The following UNC5C variants were observed in gnomAD, a reference collection of about 807,000 sequenced individuals.
UNC5C encodes the protein netrin receptor UNC5C.
Under a neutral mutation model 99.8 loss-of-function variants are expected in UNC5C, and 47 were observed. The observed-to-expected ratio is 0.47, with a 90% CI of 0.37 to 0.60. UNC5C has a LOEUF of 0.60. Ranked by LOEUF, UNC5C falls within the 20% of genes least tolerant of loss-of-function variation. The probability of loss-of-function intolerance (pLI) is 0.00; values close to 1 mark genes in which losing one functional copy is unlikely to be tolerated. For missense variants in UNC5C, 1,062 were observed against 1,165.9 expected (o/e 0.91, Z 1.30); for synonymous variants, 487 against 452.2 (o/e 1.08, Z -0.98).
At chr4:95,541,770 G>A (rs1363550419) in intron 1 of UNC5C, among the ~76,000 whole-genome samples, 1 of 151,954 alleles carries the variant, frequency 6.6e-6, no homozygotes, top group Non-Finnish European at 1.5e-5. Flanking sequence ...GCACTATTCT[G>A]TTTTTATTGG....
chr4:95,383,261 TTACACACAC>T (rs1053545389), intron 1 of UNC5C, among the ~76,000 whole-genome samples: 9 of 125,226 alleles, frequency 7.2e-5, no homozygotes, highest in Non-Finnish European at 9.5e-5. Flanking sequence ...ATGTGTGTGT[TTACACACAC>T]ACACACACAC....
At chr4:95,441,642 T>C (rs1294243749) in intron 1 of UNC5C, among the ~76,000 whole-genome samples, 1 of 152,176 alleles carries the variant, frequency 6.6e-6, no homozygotes, top group Non-Finnish European at 1.5e-5. Context: ...TATGAATATG[T>C]AATACATATA....
intron 1 of UNC5C, among the ~76,000 whole-genome samples, chr4:95,366,557 A>G (rs1381351773): frequency 6.6e-6 from 1 of 152,200 alleles, no homozygotes; most frequent in Non-Finnish European, 1.5e-5. Flanking sequence ...TGAATAAAAC[A>G]ATCAAATACT....
chr4:95,255,781 A>G (rs1579271892), intron 4 of UNC5C, among the ~76,000 whole-genome samples: 1 of 151,338 alleles, frequency 6.6e-6, no homozygotes, highest in South Asian at 2.1e-4. Context: ...TAGAACAAAA[A>G]CCCTTCTCAC....
At chr4:95,181,790 T>C (rs144719593) in intron 14 of UNC5C, among the ~76,000 whole-genome samples, 91 of 152,346 alleles carry the variant, frequency 6.0e-4, no homozygotes, top group Non-Finnish European at 1.2e-3. Context: ...GGATGGAGTG[T>C]AGCGGAAGCT....
intron 14 of UNC5C, among the ~76,000 whole-genome samples, chr4:95,175,640 T>G (rs953505710): frequency 6.0e-4 from 91 of 152,152 alleles, no homozygotes; most frequent in Non-Finnish European, 1.0e-3. Flanking sequence ...CTTCCCTTTG[T>G]GGGTAACCCG....
intron 3 of UNC5C, among the ~76,000 whole-genome samples, chr4:95,294,981 C>T (rs1469082528): frequency 6.6e-6 from 1 of 152,170 alleles, no homozygotes; most frequent in African/African-American, 2.4e-5. Flanking sequence ...CACTAGGATT[C>T]GAACATGAGT....
At chr4:95,181,207 G>A (rs1408382041) in intron 14 of UNC5C, among the ~76,000 whole-genome samples, 1 of 152,192 alleles carries the variant, frequency 6.6e-6, no homozygotes, top group Non-Finnish European at 1.5e-5. Context: ...AGATGCCTCT[G>A]ACATGACTGA....
intron 4 of UNC5C, among the ~76,000 whole-genome samples, chr4:95,266,334 C>T (rs1480549204): frequency 6.6e-6 from 1 of 152,154 alleles, no homozygotes; most frequent in East Asian, 1.9e-4. Flanking sequence ...AGAAATCCCT[C>T]CAACAGTGAG....
At chr4:95,404,553 A>C (rs116571509) in intron 1 of UNC5C, among the ~76,000 whole-genome samples, 221 of 152,212 alleles carry the variant, frequency 1.5e-3, no homozygotes, top group African/African-American at 5.1e-3. Context: ...TCTCTGGGAC[A>C]CTTGTTTTCT....
intron 1 of UNC5C, among the ~76,000 whole-genome samples, chr4:95,398,408 A>G (rs1745588276): frequency 6.6e-6 from 1 of 151,908 alleles, no homozygotes; most frequent in Non-Finnish European, 1.5e-5. Flanking sequence ...TAACAGATGC[A>G]ATGCACTAAT....
At chr4:95,433,870 TTCTC>T (rs747960262) in intron 1 of UNC5C, among the ~76,000 whole-genome samples, 1 of 136,860 alleles carries the variant, frequency 7.3e-6, no homozygotes, top group Admixed American at 7.2e-5. Context: ...ATCTTCAGCC[TTCTC>T]TCTTTTTCTC....
At chr4:95,443,155 T>C (rs1327144777) in intron 1 of UNC5C, among the ~76,000 whole-genome samples, 7 of 152,054 alleles carry the variant, frequency 4.6e-5, no homozygotes, top group Non-Finnish European at 1.0e-4. Flanking sequence ...ACAGCTAATG[T>C]AGGAGGCTGG....
intron 1 of UNC5C, among the ~76,000 whole-genome samples, chr4:95,503,061 G>A (rs558710101): frequency 3.9e-5 from 6 of 152,178 alleles, no homozygotes; most frequent in African/African-American, 1.4e-4. Context: ...TGGCTTGAAT[G>A]TGTCTCCCAA....
intron 1 of UNC5C, among the ~76,000 whole-genome samples, chr4:95,444,132 A>C (rs528526233): frequency 6.6e-6 from 1 of 152,294 alleles, no homozygotes; most frequent in South Asian, 2.1e-4. Flanking sequence ...CAGATGGACA[A>C]CAGACTTGAG....
chr4:95,222,275 G>T (rs1560739842), intron 7 of UNC5C: 10 of 1,355,676 alleles, frequency 7.4e-6, no homozygotes, highest in Non-Finnish European at 9.5e-6. Flanking sequence ...ACCTTGAAAA[G>T]AAAAAAAAAT....
intron 1 of UNC5C, among the ~76,000 whole-genome samples, chr4:95,368,697 T>C (rs1417799845): frequency 6.6e-6 from 1 of 152,192 alleles, no homozygotes; most frequent in African/African-American, 2.4e-5. Flanking sequence ...GCAAATATAA[T>C]GCAAATCGCA....
chr4:95,428,238 C>T (rs773478313), intron 1 of UNC5C, among the ~76,000 whole-genome samples: 2 of 151,994 alleles, frequency 1.3e-5, no homozygotes, highest in African/African-American at 4.8e-5. Context: ...GTAACTATTA[C>T]GAGATTAAAT....
chr4:95,201,814 C>G (rs2149360211), intron 12 of UNC5C, among the ~76,000 whole-genome samples: 1 of 152,214 alleles, frequency 6.6e-6, no homozygotes, highest in Non-Finnish European at 1.5e-5. Flanking sequence ...CCGTGTTAGC[C>G]AGGATGGTCT....
Sources: allele counts gnomAD v4.1 joint callset (sites outside exome capture counted in the v4.1 genomes callset), GRCh38; gene constraint gnomAD v4.1.1; transcripts MANE v1.5; gene names NCBI Gene and HGNC (gene_info 2026-07-23, HGNC 2026-07-21).